MYO5C: variants seen among roughly 807,000 people sequenced by gnomAD.
MYO5C encodes the protein myosin VC, also known as unconventional myosin-Vc.
A neutral mutation model predicts 235.7 loss-of-function variants in MYO5C; 194 were observed. The observed-to-expected ratio is 0.82, with a 90% CI of 0.73 to 0.93. The LOEUF (loss-of-function observed/expected upper bound fraction) is 0.93, where lower values mean the gene tolerates loss of function less well. MYO5C is among the 40% of genes least tolerant of loss of function. The probability of loss-of-function intolerance (pLI) is 0.00; values close to 1 mark genes in which losing one functional copy is unlikely to be tolerated. For missense variants in MYO5C, 2,038 were observed against 2,127.2 expected, an observed-to-expected ratio of 0.96 and a Z score of 0.82; for synonymous variants, 707 against 754.8, an observed-to-expected ratio of 0.94 and a Z score of 1.04.
At chr15:52,232,310 A>G (rs55813594) in intron 24 of MYO5C, among the ~76,000 whole-genome samples, 2,612 of 7,174 alleles carry the variant, frequency 0.36, 402 homozygotes, top group Non-Finnish European at 0.44. Context: ...AGAAGGAAGG[A>G]AGGAGAGAAG....
chr15:52,268,588 C>T (rs962569913), intron 8 of MYO5C, among the ~76,000 whole-genome samples: 4 of 152,084 alleles, frequency 2.6e-5, no homozygotes, highest in Non-Finnish European at 4.4e-5. Flanking sequence ...AAGAAATGGC[C>T]GATGGCCTCA....
intron 1 of MYO5C, among the ~76,000 whole-genome samples, chr15:52,286,931 G>T (rs1596236148): frequency 1.1e-5 from 1 of 88,452 alleles, no homozygotes; most frequent in African/African-American, 4.4e-5. Flanking sequence ...ACCCAAGAAT[G>T]ATCAATAAAA....
chr15:52,242,416 CTT>C, intron 19 of MYO5C: 1 of 551,998 alleles, frequency 1.8e-6, no homozygotes, highest in South Asian at 2.4e-5. Flanking sequence ...CACATGGGAA[CTT>C]TCACTCTTTT....
At position 52,204,969 on chromosome 15, in the gene MYO5C, C is replaced by T; in HGVS notation, c.4716G>A (p.Val1572=). The change falls in exon 38 of 41, where the codon GTG becomes GTA. Residue 1572 remains valine (V), a synonymous_variant. Transcript: ENST00000261839. ...MCQNGLDPEL[V]RQAVKQLFFL... is the part of the protein sequence containing the mutation. ...AGAAGAGCTGCTTCACCGCCTGCCT[C>T]ACAAGCTCGGGGTCCAGGCCGTTCT... 4.3e-6 allele frequency: 7 copies of T among 1,614,250 alleles called. No homozygotes were observed. The highest frequency in any genetic ancestry group is 5.9e-6 in the Non-Finnish European group (7 of 1,180,042).
At chr15:52,228,482 T>C (rs373388169) in intron 25 of MYO5C, among the ~76,000 whole-genome samples, 1 of 152,322 alleles carries the variant, frequency 6.6e-6, no homozygotes, top group South Asian at 2.1e-4. Context: ...GTTTTAAAAA[T>C]TCTATGTGAT....
Position 52,271,852 on chromosome 15 carries a change from A to G in MYO5C, c.751-8T>C. The G allele has an allele frequency of 3.2e-6, 5 of 1,576,230 alleles. No homozygotes were observed. The highest frequency in any genetic ancestry group is 4.3e-6 in the Non-Finnish European group (5 of 1,152,134). On this transcript the variant is annotated splice_polypyrimidine_tract_variant and splice_region_variant and intron_variant, in intron 6 of 40. Transcript: ENST00000261839. ...ATTTCGTTCATTTTCCGACTGTAAG[A>G]TAAAGAAATGTCCTCAAAATTACAC... is the stretch of plus-strand genomic sequence containing the variant.
chr15:52,236,207 C>G (rs925993376), intron 22 of MYO5C, among the ~76,000 whole-genome samples: 7 of 152,224 alleles, frequency 4.6e-5, no homozygotes, highest in African/African-American at 1.7e-4. Flanking sequence ...TCAACTTCTC[C>G]TGGTAAAGTG....
chr15:52,202,410 C>T (rs2035209205), intron 38 of MYO5C, among the ~76,000 whole-genome samples: 1 of 152,088 alleles, frequency 6.6e-6, no homozygotes. Flanking sequence ...GCCACTTCCA[C>T]CTGGTGGAAG....
chr15:52,193,261 C>T lies in MYO5C; in HGVS notation c.*641G>A, dbSNP rs989427552. ...CCAGGAAGCGGAGGTTGCAATAAGCCGAGATCATGCCACTACACTCCAGCC... is the reference window on the plus strand; with the variant it reads ...CCAGGAAGCGGAGGTTGCAATAAGCTGAGATCATGCCACTACACTCCAGCC... On this transcript the variant is annotated 3_prime_UTR_variant, in exon 41 of 41. Coordinates refer to ENST00000261839, the MANE Select transcript of MYO5C (RefSeq NM_018728.4). 1.0e-4 allele frequency: 15 copies of T among 142,932 alleles called. No homozygotes were observed. In the East Asian group the frequency reaches 3.0e-3, roughly 28 times the overall value. The allele number at this position is 142,932 out of a possible 1,614,324, so 8.9% of individuals were successfully genotyped here. A position where few individuals can be genotyped will look rare whatever the true frequency, so the allele number is the denominator to read the frequency against.
intron 9 of MYO5C, among the ~76,000 whole-genome samples, chr15:52,261,415 C>T (rs942377740): frequency 6.6e-6 from 1 of 152,238 alleles, no homozygotes; most frequent in Admixed American, 6.5e-5. Context: ...AGAATGTCAG[C>T]GGTGACTAAG....
At chr15:52,197,586 C>A (rs1429454551) in intron 38 of MYO5C, among the ~76,000 whole-genome samples, 1 of 152,110 alleles carries the variant, frequency 6.6e-6, no homozygotes, top group Non-Finnish European at 1.5e-5. Flanking sequence ...GATAGTTGCA[C>A]AACTACGTAA....
In MYO5C at chr15:52,250,865, G is replaced by A. The variant is rs528056876; in HGVS notation, c.1662+525C>T. The A allele has an allele frequency of 9.2e-5, 14 of 152,222 alleles. No homozygotes were observed. The East Asian group carries it at 2.7e-3, about 29-fold the overall frequency. 9.4% of individuals were successfully genotyped at this position (152,222 alleles called of 1,614,324 possible). On this transcript the variant is annotated intron_variant, in intron 13 of 40. Coordinates refer to ENST00000261839, the MANE Select transcript of MYO5C (RefSeq NM_018728.4). ...TTCTGTTTTCTAAGCTTTCTATAAT[G>A]TGATTTTAACAAAAATTTTTCATTT...
At chr15:52,285,383 C>T (rs1026797245) in intron 1 of MYO5C, among the ~76,000 whole-genome samples, 6 of 141,284 alleles carry the variant, frequency 4.2e-5, no homozygotes, top group Middle Eastern at 3.6e-3. Flanking sequence ...GAAAAAAAAA[C>T]AAACAGGCTC....
At chr15:52,219,155 A>G (rs756465332) in intron 31 of MYO5C, among the ~76,000 whole-genome samples, 2 of 152,220 alleles carry the variant, frequency 1.3e-5, no homozygotes, top group Non-Finnish European at 2.9e-5. Flanking sequence ...AAGTCACATA[A>G]CTAAAGATGC....
At chr15:52,241,623 G>A (rs533615551) in intron 20 of MYO5C, among the ~76,000 whole-genome samples, 1 of 152,204 alleles carries the variant, frequency 6.6e-6, no homozygotes, top group East Asian at 1.9e-4. Context: ...GGTCTGTTAG[G>A]TGTATATCCT....
chr15:52,204,302 C>T (rs147346348), intron 38 of MYO5C, among the ~76,000 whole-genome samples: 39 of 151,862 alleles, frequency 2.6e-4, no homozygotes, highest in African/African-American at 9.2e-4. Context: ...ACTCACTCCC[C>T]GCAATGCCTC....
intron 11 of MYO5C, among the ~76,000 whole-genome samples, chr15:52,254,302 T>C (rs1396192326): frequency 5.9e-5 from 9 of 151,956 alleles, no homozygotes; most frequent in Non-Finnish European, 4.4e-5. Flanking sequence ...GTGAGACCAA[T>C]GAGGACTCAG....
Position 52,239,773 on chromosome 15 carries a change from G to C in MYO5C, c.2663C>G (p.Thr888Ser). The C allele has an allele frequency of 6.2e-7, 1 of 1,612,878 alleles. No individual in the cohort carries two copies. Among genetic ancestry groups the C allele is most frequent in the Middle Eastern group, 1.7e-4 (1 of 6,060 alleles). ...IRRFVLNIQL[T>S]YRVQRLQKKL... ...TTTCTGCAAACGCTGGACCCTGTAAGTAAGCTGAATATTAAGCACGAATCG... is the reference window on the plus strand; with the variant it reads ...TTTCTGCAAACGCTGGACCCTGTAACTAAGCTGAATATTAAGCACGAATCG... Residue 888 changes from threonine (T) to serine (S), a missense_variant, in exon 21 of 41, where the codon ACT becomes AGT. Coordinates refer to ENST00000261839, the MANE Select transcript of MYO5C (RefSeq NM_018728.4).
intron 5 of MYO5C, 70 bp from the exon 6 acceptor site, chr15:52,272,793 T>A: frequency 6.5e-7 from 1 of 1,535,820 alleles, no homozygotes; most frequent in Non-Finnish European, 8.9e-7. Context: ...TTGGAGGGGT[T>A]TTTAGTAAAA....
Sources: gnomAD v4.1 joint callset for allele counts (sites outside exome capture counted in the v4.1 genomes callset) on GRCh38, gnomAD v4.1.1 for gene constraint, MANE v1.5 for transcripts, NCBI Gene and HGNC (gene_info 2026-07-23, HGNC 2026-07-21) for gene names.